The following DENND4A variants were observed in gnomAD, a reference collection of about 807,000 sequenced individuals.
The protein encoded by DENND4A is C-myc promoter-binding protein.
Under a neutral mutation model 199.3 loss-of-function variants are expected in DENND4A, and 70 were observed. The ratio of observed to expected loss-of-function variants is 0.35; its 90% CI spans 0.29 to 0.43. DENND4A has a LOEUF of 0.43. Ranked by LOEUF, DENND4A falls within the 20% of genes least tolerant of loss-of-function variation. The probability of loss-of-function intolerance (pLI) is 1.00; values close to 1 mark genes in which losing one functional copy is unlikely to be tolerated. For synonymous variants in DENND4A, 686 were observed against 766.9 expected, an observed-to-expected ratio of 0.89 and a Z score of 1.74; for missense variants, 1,723 against 2,255.8, an observed-to-expected ratio of 0.76 and a Z score of 4.78.
chr15:65,742,448 T>A (rs1280965968), intron 4 of DENND4A, among the ~76,000 whole-genome samples: 1 of 148,834 alleles, frequency 6.7e-6, no homozygotes, highest in East Asian at 1.9e-4. Context: ...CATGACTGGC[T>A]GATTTTTTTT....
At chr15:65,697,853 G>A (rs1295257413) in intron 20 of DENND4A, among the ~76,000 whole-genome samples, 1 of 152,124 alleles carries the variant, frequency 6.6e-6, no homozygotes, top group Non-Finnish European at 1.5e-5. Flanking sequence ...ATTTATTGAT[G>A]GGTAATTAAT....
intron 1 of DENND4A, among the ~76,000 whole-genome samples, chr15:65,784,890 G>A (rs1476456682): frequency 6.6e-6 from 1 of 152,118 alleles, no homozygotes; most frequent in East Asian, 1.9e-4. Context: ...TCTCATGCCT[G>A]TAATCCCAGC....
chr15:65,671,720 G>A, intron 25 of DENND4A, 72 bp downstream of exon 25: 1 of 1,066,752 alleles, frequency 9.4e-7, no homozygotes, highest in Non-Finnish European at 1.5e-6. Context: ...CTCTACCTGG[G>A]ACCACTAATA....
At chr15:65,731,590 G>T in intron 9 of DENND4A, 52 bp downstream of exon 9, 1 of 1,300,388 alleles carries the variant, frequency 7.7e-7, no homozygotes, top group Non-Finnish European at 1.1e-6. Flanking sequence ...TAAAATATTT[G>T]AATGTTATGC....
chr15:65,729,150 A>G lies in DENND4A; in HGVS notation c.1409T>C (p.Ile470Thr). Residue 470 changes from isoleucine (I) to threonine (T), a missense_variant, in exon 11 of 33, where the codon ATT becomes ACT. Physicochemically the swap from Ile to Thr is moderately conservative, Grantham distance 89. This residue lies in a region of DENND4A where 725 missense variants were observed against 952.9 expected (regional missense o/e 0.76). Transcript: ENST00000443035. ...LSAPCPFIVGIDSRYFDLYDP... is the reference protein window; with the variant it reads ...LSAPCPFIVGTDSRYFDLYDP... ...ATAGAGATCAAAGTATCTTGAATCA[A>G]TCCCTACTATGAATGGACATGGTGC... 1 of 1,591,294 alleles carries G rather than the reference A, an allele frequency of 6.3e-7. No homozygotes were observed. The highest frequency in any genetic ancestry group is 8.6e-7 in the Non-Finnish European group (1 of 1,167,742).
At chr15:65,695,606 G>C (rs770499401) in intron 22 of DENND4A, among the ~76,000 whole-genome samples, 7 of 152,120 alleles carry the variant, frequency 4.6e-5, no homozygotes, top group Non-Finnish European at 1.0e-4. Context: ...TTTCAGCCTT[G>C]ACAGCACATG....
At chr15:65,741,636 G>C in intron 5 of DENND4A, 79 bp downstream of exon 5, 1 of 1,133,272 alleles carries the variant, frequency 8.8e-7, no homozygotes, top group Non-Finnish European at 1.3e-6. Context: ...ACACAGACTA[G>C]GCAGGTTTCT....
intron 12 of DENND4A, among the ~76,000 whole-genome samples, chr15:65,722,212 G>T (rs1370908201): frequency 2.6e-5 from 4 of 152,180 alleles, no homozygotes; most frequent in Non-Finnish European, 5.9e-5. Context: ...GCCAGGCATG[G>T]TGGCTCATGC....
In DENND4A at chr15:65,777,500, G is replaced by A. The variant is rs141223476; in HGVS notation, c.-102+14510C>T. ...CCCAAGTAGCTGGGATCACAAGCAC[G>A]CACCACCACGCCTGGCTAATTTTTG... is the stretch of plus-strand genomic sequence containing the variant. On this transcript the variant is annotated intron_variant, in intron 1 of 32. Transcript: ENST00000443035. Among the ~76,000 whole-genome samples, 415 of 151,838 alleles carry A rather than the reference G, an allele frequency of 2.7e-3. 3 individuals carry two copies. Among genetic ancestry groups the A allele is most frequent in the African/African-American group, 9.4e-3 (391 of 41,400 alleles).
intron 1 of DENND4A, among the ~76,000 whole-genome samples, chr15:65,788,456 G>A (rs1256156466): frequency 6.6e-6 from 1 of 152,082 alleles, no homozygotes; most frequent in African/African-American, 2.4e-5. Context: ...GATATTTTGG[G>A]TTAGTTTTGC....
intron 23 of DENND4A, chr15:65,681,037 T>C (rs1482327964): frequency 6.6e-6 from 1 of 152,186 alleles, no homozygotes; most frequent in Non-Finnish European, 1.5e-5. Flanking sequence ...CCATTGACTC[T>C]TCCTTTCAAG....
intron 5 of DENND4A, among the ~76,000 whole-genome samples, chr15:65,739,403 T>C (rs1422795652): frequency 6.6e-6 from 1 of 152,322 alleles, no homozygotes; most frequent in Admixed American, 6.5e-5. Context: ...AGCTTCTAAA[T>C]AACACCAGGT....
At chr15:65,738,584 CA>C in intron 6 of DENND4A, 121 bp downstream of exon 6, 3 of 805,890 alleles carry the variant, frequency 3.7e-6, no homozygotes, top group Non-Finnish European at 5.6e-6. Flanking sequence ...TTATTTTAAT[CA>C]ACTGGAAAAG....
At position 65,787,068 on chromosome 15, in the gene DENND4A, AAT is replaced by A. The variant is rs2077584544; in HGVS notation, c.-102+4940_-102+4941del. Among the ~76,000 whole-genome samples the A allele has an allele frequency of 3.9e-5, 6 of 152,304 alleles. No homozygotes were observed. The South Asian group carries it at 1.0e-3, about 26-fold the overall frequency. ...AAATATATATCTGAAGCAAAAATGA[AAT>A]ATGTTAACATTTTATATGTGGGTAT... On this transcript the variant is annotated intron_variant, in intron 1 of 32. Transcript: ENST00000443035.
intron 1 of DENND4A, among the ~76,000 whole-genome samples, chr15:65,769,078 A>G (rs190046483): frequency 7.7e-4 from 117 of 152,172 alleles, no homozygotes; most frequent in African/African-American, 2.7e-3. Context: ...CTGGTTTCCA[A>G]TGTGAGGCTG....
At position 65,752,629 on chromosome 15, in the gene DENND4A, C is replaced by G; in HGVS notation, c.312-1G>C. ...TCTTTCTTTCCAGTCATATAAAACC[C>G]TAAAAATAAATTTTTAAAAATAAAT... On this transcript the variant is annotated splice_acceptor_variant, in intron 3 of 32. Coordinates refer to ENST00000443035, the MANE Select transcript of DENND4A (RefSeq NM_001320835.1). LOFTEE classifies it high-confidence loss of function. 1 of 1,485,214 alleles carries G rather than the reference C, an allele frequency of 6.7e-7. No individual in the cohort carries two copies. The highest frequency in any genetic ancestry group is 9.0e-7 in the Non-Finnish European group (1 of 1,106,072). 92.0% of individuals were successfully genotyped at this position (1,485,214 alleles called of 1,614,324 possible).
At chr15:65,684,939 C>G (rs2076709751) in intron 23 of DENND4A, among the ~76,000 whole-genome samples, 1 of 151,784 alleles carries the variant, frequency 6.6e-6, no homozygotes, top group East Asian at 1.9e-4. Context: ...ATTCTCCTAC[C>G]TCAGCCTCCC....
In DENND4A at chr15:65,694,860, C is replaced by T. The variant is rs1372344334; in HGVS notation, c.3082+1506G>A. On this transcript the variant is annotated intron_variant, in intron 22 of 32. Coordinates refer to ENST00000443035, the MANE Select transcript of DENND4A (RefSeq NM_001320835.1). ...TTCAGCATATAGGGTAACTGAAAGC[C>T]AGATGATTAACCAGATGCTTATTAT... Among the ~76,000 whole-genome samples, 3 of 152,156 alleles carry T rather than the reference C, an allele frequency of 2.0e-5. No individual in the cohort carries two copies. The East Asian group carries it at 5.8e-4, about 29-fold the overall frequency.
At chr15:65,675,368 G>T (rs2076341725) in intron 24 of DENND4A, among the ~76,000 whole-genome samples, 1 of 151,948 alleles carries the variant, frequency 6.6e-6, no homozygotes, top group Non-Finnish European at 1.5e-5. Flanking sequence ...ACATCTTAAG[G>T]AAAGAAAAAC....
Sources: gnomAD v4.1 joint callset for allele counts (sites outside exome capture counted in the v4.1 genomes callset) on GRCh38, gnomAD v4.1.1 for gene constraint, gnomAD v4.1.1 regional missense constraint, MANE v1.5 for transcripts, NCBI Gene and HGNC (gene_info 2026-07-23, HGNC 2026-07-21) for gene names.